SLCO1B3: variants seen among roughly 807,000 people sequenced by gnomAD.
SLCO1B3 encodes the protein liver-specific organic anion transporter 2.
A neutral mutation model predicts 71.8 loss-of-function variants in SLCO1B3; 72 were observed. The ratio of observed to expected loss-of-function variants is 1.00; its 90% CI spans 0.83 to 1.22. The LOEUF is 1.22. Among genes scored for constraint, SLCO1B3 ranks in the 50% most tolerant of loss-of-function variants. The pLI, the probability that SLCO1B3 is intolerant of heterozygous loss-of-function variation, is 0.00. For missense variants in SLCO1B3, 911 were observed against 819.7 expected (o/e 1.11, Z -1.36); for synonymous variants, 298 against 278.4 (o/e 1.07, Z -0.70).
chr12:20,909,164 T>A (rs1866314543), intron 15 of SLCO1B3, among the ~76,000 whole-genome samples: 1 of 146,106 alleles, frequency 6.8e-6, no homozygotes, highest in African/African-American at 2.6e-5. Context: ...AGCATCTTTT[T>A]CTTTTTTTTT....
intron 15 of SLCO1B3, chr12:20,902,178 A>G (rs1866144603): frequency 4.9e-6 from 1 of 204,858 alleles, no homozygotes; most frequent in African/African-American, 2.4e-5. Context: ...CTTTGTGTAT[A>G]TACCCAATAA....
chr12:20,882,916 GTAA>G (rs1423787986), intron 12 of SLCO1B3, among the ~76,000 whole-genome samples: 1 of 152,014 alleles, frequency 6.6e-6, no homozygotes, highest in Non-Finnish European at 1.5e-5. Context: ...AACCTTTCTG[GTAA>G]TAATATACTA....
chr12:20,897,640 ACCAT>A (rs1866040221), intron 13 of SLCO1B3, among the ~76,000 whole-genome samples: 1 of 152,220 alleles, frequency 6.6e-6, no homozygotes, highest in Admixed American at 6.5e-5. Flanking sequence ...TCTGAAAAAA[ACCAT>A]CCAACACTTC....
At chr12:20,856,766 G>A (rs1653634985) in intron 4 of SLCO1B3, among the ~76,000 whole-genome samples, 1 of 152,056 alleles carries the variant, frequency 6.6e-6, no homozygotes, top group Non-Finnish European at 1.5e-5. Context: ...TCACCATTTG[G>A]CCAGGCTGAT....
Position 20,916,779 on chromosome 12 carries a change from C to T in SLCO1B3, c.*532C>T, listed in dbSNP as rs966393398. The T allele has an allele frequency of 3.9e-5, 6 of 152,066 alleles. No individual in the cohort carries two copies. Among genetic ancestry groups the T allele is most frequent in the African/African-American group, 1.4e-4 (6 of 41,408 alleles). 9.4% of individuals were successfully genotyped at this position (152,066 alleles called of 1,614,324 possible). The stretch of plus-strand genomic sequence containing the variant: ...CTTCTTCCAACCTCCCATTAAGATC[C>T]TGCAGAAGAAATAGAAATATTCAAA... On this transcript the variant is annotated 3_prime_UTR_variant, in exon 16 of 16. Coordinates refer to ENST00000381545, the MANE Select transcript of SLCO1B3 (RefSeq NM_019844.4).
intron 15 of SLCO1B3, among the ~76,000 whole-genome samples, chr12:20,909,604 A>C (rs1866333081): frequency 6.6e-6 from 1 of 152,038 alleles, no homozygotes; most frequent in Non-Finnish European, 1.5e-5. Context: ...TATTTTTGAA[A>C]ACAGTTATTG....
chr12:20,914,200 ACT>A (rs1248535799), intron 15 of SLCO1B3, among the ~76,000 whole-genome samples: 4 of 150,882 alleles, frequency 2.7e-5, no homozygotes, highest in Admixed American at 2.0e-4. Flanking sequence ...TTTGTATTCC[ACT>A]CTCTGTCTTC....
At chr12:20,836,695 G>A (rs529908507) in intron 3 of SLCO1B3, among the ~76,000 whole-genome samples, 41 of 152,234 alleles carry the variant, frequency 2.7e-4, no homozygotes, top group Non-Finnish European at 4.6e-4. Context: ...AGGCTGGAGT[G>A]CAGTGGTGCT....
intron 3 of SLCO1B3, among the ~76,000 whole-genome samples, chr12:20,831,987 G>A (rs1427617348): frequency 3.9e-5 from 6 of 152,094 alleles, no homozygotes; most frequent in Non-Finnish European, 5.9e-5. Context: ...TATGGAAAAG[G>A]CAAATGAATT....
chr12:20,858,387 T>C (rs1865185199), intron 4 of SLCO1B3, 52 bp from the exon 5 acceptor site: 1 of 1,326,942 alleles, frequency 7.5e-7, no homozygotes, highest in Non-Finnish European at 1.1e-6. Context: ...TCAGTTCTAC[T>C]AGATACAAAA....
chr12:20,879,739 A>T, intron 11 of SLCO1B3, 108 bp downstream of exon 11: 1 of 743,406 alleles, frequency 1.3e-6, no homozygotes. Context: ...CTTTATTTTA[A>T]TTGAGAGAAA....
rs1565600473 is a variant in SLCO1B3 at position 20,880,821 on chromosome 12, C to T, written c.1332-34C>T. The T allele has an allele frequency of 4.1e-6, 6 of 1,467,402 alleles. No homozygotes were observed. The South Asian group carries it at 7.7e-5, about 19-fold the overall frequency. 90.9% of individuals were successfully genotyped at this position (1,467,402 alleles called of 1,614,324 possible). A position where few individuals can be genotyped will look rare whatever the true frequency, so the allele number is the denominator to read the frequency against. On this transcript the variant is annotated intron_variant, in intron 11 of 15. Transcript: ENST00000381545. ...TGCTCTTTCTCTACTTCCTCTTTCT[C>T]TTTTTTTGATATATTTCTATCATAT...
chr12:20,882,623 C>G (rs550905626), intron 12 of SLCO1B3, among the ~76,000 whole-genome samples: 2 of 152,002 alleles, frequency 1.3e-5, no homozygotes, highest in African/African-American at 4.8e-5. Flanking sequence ...CCAGGCTGGT[C>G]GCAAACTCGT....
chr12:20,875,185 C>T (rs1055242862), intron 8 of SLCO1B3, 50 bp from the exon 9 acceptor site: 3 of 1,602,668 alleles, frequency 1.9e-6, no homozygotes, highest in African/African-American at 1.3e-5. Flanking sequence ...CCAGAACCTA[C>T]TGTATTTCAA....
chr12:20,882,868 TATATTCTAACC>T (rs1212852192), intron 12 of SLCO1B3, among the ~76,000 whole-genome samples: 1 of 152,220 alleles, frequency 6.6e-6, no homozygotes, highest in Non-Finnish European at 1.5e-5. Flanking sequence ...ATTCCTCTTC[TATATTCTAACC>T]ATTAGCCAGC....
intron 15 of SLCO1B3, among the ~76,000 whole-genome samples, chr12:20,911,203 G>C (rs547096436): frequency 6.6e-6 from 1 of 152,168 alleles, no homozygotes; most frequent in Non-Finnish European, 1.5e-5. Flanking sequence ...CTATTGATGT[G>C]ATCATGTGAT....
chr12:20,853,551 T>A (rs1042528512), intron 3 of SLCO1B3, among the ~76,000 whole-genome samples: 1 of 152,076 alleles, frequency 6.6e-6, no homozygotes, highest in African/African-American at 2.4e-5. Flanking sequence ...TAATTCTTTT[T>A]AATTTCTGAG....
intron 3 of SLCO1B3, among the ~76,000 whole-genome samples, chr12:20,819,412 C>T (rs1053982120): frequency 1.4e-4 from 21 of 152,090 alleles, no homozygotes; most frequent in Non-Finnish European, 2.4e-4. Context: ...TTTGCTGAGC[C>T]TGATGGGTGT....
At chr12:20,814,385 T>C (rs1181832724) in intron 2 of SLCO1B3, among the ~76,000 whole-genome samples, 1 of 152,094 alleles carries the variant, frequency 6.6e-6, no homozygotes, top group Non-Finnish European at 1.5e-5. Context: ...ATTAAGAACA[T>C]TTTCTAATAT....
Sources: gnomAD v4.1 joint callset for allele counts (sites outside exome capture counted in the v4.1 genomes callset) on GRCh38, gnomAD v4.1.1 for gene constraint, MANE v1.5 for transcripts, NCBI Gene and HGNC (gene_info 2026-07-23, HGNC 2026-07-21) for gene names.